Variants in SLC6A3 observed in about 807,000 individuals in gnomAD.
The protein encoded by SLC6A3 is sodium-dependent dopamine transporter.
Under a neutral mutation model 70.4 loss-of-function variants are expected in SLC6A3, and 19 were observed. That is an observed-to-expected ratio of 0.27 (90% CI 0.19 to 0.40). The LOEUF (loss-of-function observed/expected upper bound fraction) is 0.40, where lower values mean the gene tolerates loss of function less well. Ranked by LOEUF, SLC6A3 falls within the 10% of genes least tolerant of loss-of-function variation. The pLI is 1.00. For missense variants in SLC6A3, 613 were observed against 838.5 expected (o/e 0.73, Z 3.32); for synonymous variants, 368 against 356.6 (o/e 1.03, Z -0.36).
chr5:1,443,300 G>C, intron 1 of SLC6A3, 58 bp from the exon 2 acceptor site: 1 of 1,340,440 alleles, frequency 7.5e-7, no homozygotes, highest in East Asian at 2.3e-5. Flanking sequence ...AGCAGCCAGG[G>C]CTAGGGACAT....
In SLC6A3 at chr5:1,408,180, C is replaced by A. The variant is rs1263208524; in HGVS notation, c.1498+846G>T. 6.6e-6 allele frequency among the ~76,000 whole-genome samples: 1 copy of A among 150,900 alleles called. No individual in the cohort carries two copies. Among genetic ancestry groups the A allele is most frequent in the East Asian group, 1.9e-4 (1 of 5,178 alleles). On this transcript the variant is annotated intron_variant, in intron 11 of 14. Transcript: ENST00000270349. The surrounding 1 kb of genome is among the most constrained non-coding windows in gnomAD (Gnocchi z 6.4). Reference sequence around the variant, plus strand: ...GCCTCCTGACTAGCTGGGATTATAGCCTTGTGCCACCACACCCGGCTAATT... The same window carrying A: ...GCCTCCTGACTAGCTGGGATTATAGACTTGTGCCACCACACCCGGCTAATT...
chr5:1,412,568 C>T (rs915219780), intron 8 of SLC6A3, among the ~76,000 whole-genome samples: 6 of 152,278 alleles, frequency 3.9e-5, no homozygotes, highest in East Asian at 1.9e-4. Context: ...GGCAGGCAGG[C>T]GACCAAAAGT....
At position 1,411,926 on chromosome 5, in the gene SLC6A3, G is replaced by A. The variant is rs563689072; in HGVS notation, c.1157-571C>T. On this transcript the variant is annotated intron_variant, in intron 8 of 14. Coordinates refer to ENST00000270349, the MANE Select transcript of SLC6A3 (RefSeq NM_001044.5). This position sits in a 1 kb window ranked among gnomAD's most constrained non-coding sequence, Gnocchi z 6.5. ...GCAATATACACACACAGACACATGCGCGCACATGCACGAACACTCATTTGT... is the reference window on the plus strand; with the variant it reads ...GCAATATACACACACAGACACATGCACGCACATGCACGAACACTCATTTGT... Among the ~76,000 whole-genome samples, 6 of 151,628 alleles carry A rather than the reference G, an allele frequency of 4.0e-5. No individual in the cohort carries two copies. Among genetic ancestry groups the A allele is most frequent in the African/African-American group, 7.3e-5 (3 of 41,208 alleles).
chr5:1,439,777 T>A (rs901202298), intron 3 of SLC6A3, among the ~76,000 whole-genome samples: 1 of 152,228 alleles, frequency 6.6e-6, no homozygotes, highest in South Asian at 2.1e-4. Context: ...GCCTGAATCC[T>A]CCCTGAACCA....
chr5:1,394,909 C>T lies in SLC6A3; in HGVS notation c.1840-151G>A. ...GGAGAAGGGGAGGCTCACTGGGGGCCTGGACCAACACACCCTTGACAGGTG... is the reference window on the plus strand; with the variant it reads ...GGAGAAGGGGAGGCTCACTGGGGGCTTGGACCAACACACCCTTGACAGGTG... On this transcript the variant is annotated intron_variant, in intron 14 of 14. Coordinates refer to ENST00000270349, the MANE Select transcript of SLC6A3 (RefSeq NM_001044.5). This position sits in a 1 kb window ranked among gnomAD's most constrained non-coding sequence, Gnocchi z 4.7. 1.3e-6 allele frequency: 1 copy of T among 791,906 alleles called. No individual in the cohort carries two copies. The highest frequency in any genetic ancestry group is 2.2e-6 in the Non-Finnish European group (1 of 455,128). The allele number at this position is 791,906 out of a possible 1,614,324, so 49.1% of individuals were successfully genotyped here. A position where few individuals can be genotyped will look rare whatever the true frequency, so the allele number is the denominator to read the frequency against.
Position 1,437,339 on chromosome 5 carries a change from C to T in SLC6A3, c.418+4020G>A, listed in dbSNP as rs569938651. 1.1e-3 allele frequency among the ~76,000 whole-genome samples: 164 copies of T among 151,476 alleles called. No individual in the cohort carries two copies. Among genetic ancestry groups the T allele is most frequent in the Non-Finnish European group, 2.0e-3 (138 of 67,904 alleles). On this transcript the variant is annotated intron_variant, in intron 3 of 14. Coordinates refer to ENST00000270349, the MANE Select transcript of SLC6A3 (RefSeq NM_001044.5). This position sits in a 1 kb window ranked among gnomAD's most constrained non-coding sequence, Gnocchi z 4.8. ...TCTGGGTGTCTTTAGTATGTGCTTG[C>T]TGTGTGTGCATGTACCCGAGAGACA... is the stretch of plus-strand genomic sequence containing the variant.
chr5:1,442,821 C>G lies in SLC6A3; in HGVS notation c.286+91G>C. On this transcript the variant is annotated intron_variant, in intron 2 of 14. Transcript: ENST00000270349. The surrounding 1 kb of genome is among the most constrained non-coding windows in gnomAD (Gnocchi z 5.0). ...GCTCCGTCTTCACGCATGGGAACAG[C>G]TTCATCTCGTTTCCGTACGTGCCTT... 10 of 1,325,724 alleles carry G rather than the reference C, an allele frequency of 7.5e-6. No individual in the cohort carries two copies. Among genetic ancestry groups the G allele is most frequent in the African/African-American group, 1.4e-5 (1 of 69,018 alleles). The allele number at this position is 1,325,724 out of a possible 1,614,324, so 82.1% of individuals were successfully genotyped here.
At chr5:1,414,131 T>A (rs1179485889) in intron 8 of SLC6A3, among the ~76,000 whole-genome samples, 1 of 152,022 alleles carries the variant, frequency 6.6e-6, no homozygotes, top group Non-Finnish European at 1.5e-5. Flanking sequence ...GTTTGCGGCA[T>A]CCCAGCCTGC....
intron 3 of SLC6A3, among the ~76,000 whole-genome samples, chr5:1,433,148 T>G (rs1756744631): frequency 6.6e-6 from 1 of 152,122 alleles, no homozygotes; most frequent in South Asian, 2.1e-4. Flanking sequence ...TAGGGGGTAC[T>G]CTGGGTGACC....
intron 4 of SLC6A3, among the ~76,000 whole-genome samples, chr5:1,428,352 T>C (rs1756617986): frequency 6.6e-6 from 1 of 152,310 alleles, no homozygotes; most frequent in East Asian, 1.9e-4. Context: ...GCAGTCCATT[T>C]GAGGCAAATT....
chr5:1,438,894 ATC>A lies in SLC6A3; in HGVS notation c.418+2463_418+2464del, dbSNP rs1756902321. On this transcript the variant is annotated intron_variant, in intron 3 of 14. Transcript: ENST00000270349. This position sits in a 1 kb window ranked among gnomAD's most constrained non-coding sequence, Gnocchi z 6.5. ...TCCCCTACCCCAGTGGGCCGGCTTC[ATC>A]TCTGACTCAGCATCCCAAGGCTCTG... Among the ~76,000 whole-genome samples, 1 of 152,168 alleles carries A rather than the reference ATC, an allele frequency of 6.6e-6. No homozygotes were observed. The highest frequency in any genetic ancestry group is 1.5e-5 in the Non-Finnish European group (1 of 68,030).
Position 1,421,741 on chromosome 5 carries a change from C to T in SLC6A3, c.792+135G>A. The stretch of plus-strand genomic sequence containing the variant: ...AACTCAACCATGGCCATGTGTCCAC[C>T]CCAACCTGGCCATGGCCACATTGGT... On this transcript the variant is annotated intron_variant, in intron 5 of 14. Transcript: ENST00000270349. The surrounding 1 kb of genome is among the most constrained non-coding windows in gnomAD (Gnocchi z 7.2). 1 of 954,492 alleles carries T rather than the reference C, an allele frequency of 1.0e-6. No homozygotes were observed. Among genetic ancestry groups the T allele is most frequent in the Non-Finnish European group, 1.7e-6 (1 of 591,578 alleles). 59.1% of individuals were successfully genotyped at this position (954,492 alleles called of 1,614,324 possible). A position where few individuals can be genotyped will look rare whatever the true frequency, so the allele number is the denominator to read the frequency against.
In SLC6A3 at chr5:1,394,169, A is replaced by G. The variant is rs1016851408; in HGVS notation, c.*566T>C. 4 of 178,672 alleles carry G rather than the reference A, an allele frequency of 2.2e-5. No individual in the cohort carries two copies. Among genetic ancestry groups the G allele is most frequent in the African/African-American group, 9.5e-5 (4 of 42,132 alleles). The allele number at this position is 178,672 out of a possible 1,614,324, so 11.1% of individuals were successfully genotyped here. On this transcript the variant is annotated 3_prime_UTR_variant, in exon 15 of 15. Coordinates refer to ENST00000270349, the MANE Select transcript of SLC6A3 (RefSeq NM_001044.5). The surrounding 1 kb of genome is among the most constrained non-coding windows in gnomAD (Gnocchi z 4.7). ...ACTGTGTGTGCAATGTGTCAACTGA[A>G]CGCTCAATTTACGGCCTCTGCTGGG... is the stretch of plus-strand genomic sequence containing the variant.
At position 1,393,656 on chromosome 5, in the gene SLC6A3, C is replaced by A; in HGVS notation, c.*1079G>T. On this transcript the variant is annotated 3_prime_UTR_variant, in exon 15 of 15. Coordinates refer to ENST00000270349, the MANE Select transcript of SLC6A3 (RefSeq NM_001044.5). ...TGCATGCATCCTGGGGTAGTACACGCTCCTGTGGGGGCCCTGCATGCGTCC... is the reference window on the plus strand; with the variant it reads ...TGCATGCATCCTGGGGTAGTACACGATCCTGTGGGGGCCCTGCATGCGTCC... 6.8e-6 allele frequency: 1 copy of A among 147,874 alleles called. No homozygotes were observed. Among genetic ancestry groups the A allele is most frequent in the East Asian group, 2.0e-4 (1 of 4,922 alleles). 9.2% of individuals were successfully genotyped at this position (147,874 alleles called of 1,614,324 possible). A position where few individuals can be genotyped will look rare whatever the true frequency, so the allele number is the denominator to read the frequency against.
At chr5:1,407,490 C>T (rs564836950) in intron 11 of SLC6A3, among the ~76,000 whole-genome samples, 63 of 152,356 alleles carry the variant, frequency 4.1e-4, no homozygotes, top group Middle Eastern at 3.4e-3. Flanking sequence ...CCTACAGGAC[C>T]GCAGCGTGCT....
Position 1,442,879 on chromosome 5 carries a change from C to CTG in SLC6A3, c.286+32_286+33insCA. 1 of 1,613,482 alleles carries CTG rather than the reference C, an allele frequency of 6.2e-7. No individual in the cohort carries two copies. On this transcript the variant is annotated intron_variant, in intron 2 of 14. Coordinates refer to ENST00000270349, the MANE Select transcript of SLC6A3 (RefSeq NM_001044.5). The surrounding 1 kb of genome is among the most constrained non-coding windows in gnomAD (Gnocchi z 5.0). ...GCTGCCCCTACGACCCCCGCCCGGC[C>CTG]AGCATGCTCAGGGAGGCTGAGATGG...
intron 3 of SLC6A3, among the ~76,000 whole-genome samples, chr5:1,440,942 T>C (rs1444175444): frequency 6.6e-6 from 1 of 152,114 alleles, no homozygotes; most frequent in Non-Finnish European, 1.5e-5. Flanking sequence ...TGATGATAGA[T>C]GGATGGATTA....
In SLC6A3 at chr5:1,441,440, G is replaced by C. The variant is rs764937478; in HGVS notation, c.337C>G (p.Leu113Val). 1.2e-6 allele frequency: 2 copies of C among 1,614,126 alleles called. No individual in the cohort carries two copies. ...CCGAGGGCCAGCTCCATGTAGAAAA[G>C]TGGCATCCCAGCAATGACCATGAAG... ...LLFMVIAGMP[L>V]FYMELALGQF... The change falls in exon 3 of 15, where the codon CTT (leucine) becomes GTT (valine). Residue 113 changes from leucine (L) to valine (V), a missense_variant. Physicochemically the swap from Leu to Val is conservative, Grantham distance 32 (BLOSUM62 1). Transcript: ENST00000270349.
At chr5:1,418,697 A>C (rs1307311666) in intron 6 of SLC6A3, among the ~76,000 whole-genome samples, 2 of 142,584 alleles carry the variant, frequency 1.4e-5, no homozygotes, top group African/African-American at 2.7e-5. Context: ...ATCATCCACC[A>C]ATCCACCCAT....
Sources: gnomAD v4.1 joint callset for allele counts (sites outside exome capture counted in the v4.1 genomes callset) on GRCh38, gnomAD v4.1.1 for gene constraint, Gnocchi (gnomAD v3.1) non-coding constraint, MANE v1.5 for transcripts, NCBI Gene and HGNC (gene_info 2026-07-23, HGNC 2026-07-21) for gene names.